The following PSME4 variants were observed in gnomAD, a reference collection of about 807,000 sequenced individuals.
PSME4 encodes proteasome activator subunit 4.
In PSME4, 89 loss-of-function variants were observed where a neutral mutation model predicts 253.9. The observed-to-expected ratio is 0.35, with a 90% CI of 0.30 to 0.42. PSME4 has a LOEUF of 0.42. PSME4 is among the 10% of genes least tolerant of loss of function. PSME4 has a pLI of 1.00. For missense variants in PSME4, 2,014 were observed against 2,195.2 expected, an observed-to-expected ratio of 0.92 and a Z score of 1.65; for synonymous variants, 851 against 759.2, an observed-to-expected ratio of 1.12 and a Z score of -1.99.
At chr2:53,914,681 G>A (rs1667976512) in intron 20 of PSME4, among the ~76,000 whole-genome samples, 4 of 152,096 alleles carry the variant, frequency 2.6e-5, no homozygotes, top group Non-Finnish European at 5.9e-5. Context: ...AGGAGTTCAA[G>A]ACCAGCCCAG....
intron 4 of PSME4, 76 bp from the exon 5 acceptor site, chr2:53,937,616 A>C: frequency 1.4e-6 from 2 of 1,388,636 alleles, no homozygotes; most frequent in Non-Finnish European, 2.0e-6. Context: ...ATAACTGACC[A>C]AAAGGCTGGG....
rs760093305 is a variant in PSME4 at position 53,897,920 on chromosome 2, T to C, written c.3556A>G (p.Ile1186Val). 3 of 1,613,426 alleles carry C rather than the reference T, an allele frequency of 1.9e-6. No individual in the cohort carries two copies. Among genetic ancestry groups the C allele is most frequent in the Admixed American group, 3.3e-5 (2 of 59,996 alleles). ...RDDRVLPLRAIRFFVENLNHD... is the reference protein window; with the variant it reads ...RDDRVLPLRAVRFFVENLNHD... ...TTGAGATTCTCAACAAAAAACCGTA[T>C]GGCACGAAGAGGCAACACTCGGTCA... Residue 1186 changes from isoleucine to valine, a missense_variant, in exon 31 of 47, where the codon ATA becomes GTA. Physicochemically the swap from Ile to Val is conservative, Grantham distance 29. Around this residue, in one of 4 missense-constraint regions of PSME4, gnomAD observed 989 missense variants for 1,021.1 expected, o/e 0.97. Transcript: ENST00000404125.
In PSME4 at chr2:53,927,999, A is replaced by T. The variant is rs943408029; in HGVS notation, c.1503+118T>A. On this transcript the variant is annotated intron_variant, in intron 11 of 46. Transcript: ENST00000404125. ...TGTTACTTTAATAATTAAATTATAC[A>T]ACATTTATTTTCATATTTATATTAG... 11 of 666,038 alleles carry T rather than the reference A, an allele frequency of 1.7e-5. No homozygotes were observed. The East Asian group carries it at 2.2e-4, about 14-fold the overall frequency. 41.3% of individuals were successfully genotyped at this position (666,038 alleles called of 1,614,324 possible).
intron 6 of PSME4, 123 bp downstream of exon 6, chr2:53,936,641 T>A (rs1669130190): frequency 1.5e-6 from 1 of 650,890 alleles, no homozygotes; most frequent in Admixed American, 3.5e-5. Flanking sequence ...CAGCCAATCC[T>A]AAGGAACTTC....
intron 20 of PSME4, among the ~76,000 whole-genome samples, chr2:53,916,883 G>T (rs954162085): frequency 1.1e-4 from 17 of 151,890 alleles, no homozygotes; most frequent in African/African-American, 3.6e-4. Flanking sequence ...AAAGGAAGAC[G>T]GAAAACTCCC....
chr2:53,944,103 T>C (rs1669589575), intron 3 of PSME4, among the ~76,000 whole-genome samples: 1 of 152,198 alleles, frequency 6.6e-6, no homozygotes, highest in Non-Finnish European at 1.5e-5. Flanking sequence ...GAAAGAACAC[T>C]GTAGCACAGA....
intron 10 of PSME4, among the ~76,000 whole-genome samples, 189 bp from the exon 11 acceptor site, chr2:53,928,492 T>C (rs1377838452): frequency 6.7e-6 from 1 of 150,156 alleles, no homozygotes; most frequent in Non-Finnish European, 1.5e-5. Context: ...TTTCCGTAGT[T>C]TCAGTTAACA....
intron 26 of PSME4, 97 bp from the exon 27 acceptor site, chr2:53,904,253 T>A: frequency 1.6e-6 from 2 of 1,229,674 alleles, no homozygotes; most frequent in Non-Finnish European, 2.2e-6. Flanking sequence ...AATTTACATG[T>A]TTTTCTCATT....
At position 53,970,822 on chromosome 2, in the gene PSME4, A is replaced by AC. The variant is rs1240153234; in HGVS notation, c.-39dup. On this transcript the variant is annotated 5_prime_UTR_variant, in exon 1 of 47. Coordinates refer to ENST00000404125, the MANE Select transcript of PSME4 (RefSeq NM_014614.3). The stretch of plus-strand genomic sequence containing the variant: ...ACCCCCCCCACCCCCTCCCACCCGA[A>AC]CCCTCCCCGGCCCCCACCCCTCTCC... The AC allele has an allele frequency of 3.0e-5, 27 of 892,660 alleles. No individual in the cohort carries two copies. Among genetic ancestry groups the AC allele is most frequent in the Admixed American group, 4.2e-5 (1 of 23,894 alleles). The allele number at this position is 892,660 out of a possible 1,614,324, so 55.3% of individuals were successfully genotyped here. A position where few individuals can be genotyped will look rare whatever the true frequency, so the allele number is the denominator to read the frequency against.
At chr2:53,871,941 G>C (rs769511887) in intron 43 of PSME4, among the ~76,000 whole-genome samples, 6 of 152,122 alleles carry the variant, frequency 3.9e-5, no homozygotes, top group African/African-American at 7.2e-5. Context: ...TTCAACCCAG[G>C]GGGCAGAGGT....
At chr2:53,940,952 C>CATATATATATATAT (rs1169212491) in intron 3 of PSME4, among the ~76,000 whole-genome samples, 2 of 24,020 alleles carry the variant, frequency 8.3e-5, no homozygotes, top group Non-Finnish European at 1.4e-4. Context: ...TATATATATA[C>CATATATATATATAT]ATATATATAT....
chr2:53,961,402 C>T (rs971572997), intron 1 of PSME4, among the ~76,000 whole-genome samples: 1 of 152,132 alleles, frequency 6.6e-6, no homozygotes, highest in African/African-American at 2.4e-5. Flanking sequence ...GGTGCAGTGG[C>T]TTATGCCTGT....
At chr2:53,872,759 A>C (rs1330448933) in intron 43 of PSME4, among the ~76,000 whole-genome samples, 1 of 141,836 alleles carries the variant, frequency 7.1e-6, no homozygotes, top group Non-Finnish European at 1.5e-5. Flanking sequence ...AAAAAAAAAA[A>C]AAAAAAAAAG....
rs1490089212 is a variant in PSME4 at position 53,892,252 on chromosome 2, T to C, written c.4191+556A>G. On this transcript the variant is annotated intron_variant, in intron 36 of 46. Coordinates refer to ENST00000404125, the MANE Select transcript of PSME4 (RefSeq NM_014614.3). Reference sequence around the variant, plus strand: ...GGTCTACCTTATGCTCAGGTGGTCCTGACATTTGACCAGGTTATTTTTAGT... The same window carrying C: ...GGTCTACCTTATGCTCAGGTGGTCCCGACATTTGACCAGGTTATTTTTAGT... Among the ~76,000 whole-genome samples, 8 of 152,358 alleles carry C rather than the reference T, an allele frequency of 5.3e-5. No individual in the cohort carries two copies. The East Asian group carries it at 7.7e-4, about 15-fold the overall frequency.
At chr2:53,950,446 T>C (rs1344028196) in intron 1 of PSME4, among the ~76,000 whole-genome samples, 3 of 152,160 alleles carry the variant, frequency 2.0e-5, no homozygotes, top group Admixed American at 6.5e-5. Context: ...TACAATTAGG[T>C]TATACCAAAA....
intron 41 of PSME4, among the ~76,000 whole-genome samples, chr2:53,884,054 C>G (rs1243617680): frequency 6.6e-6 from 1 of 152,206 alleles, no homozygotes; most frequent in Non-Finnish European, 1.5e-5. Context: ...TCCTCACACT[C>G]TACACATCTG....
intron 17 of PSME4, 35 bp from the exon 18 acceptor site, chr2:53,921,139 G>C: frequency 6.2e-7 from 1 of 1,610,184 alleles, no homozygotes; most frequent in Non-Finnish European, 8.5e-7. Context: ...AAGATATTTT[G>C]GTTAAAAGAA....
intron 29 of PSME4, among the ~76,000 whole-genome samples, chr2:53,899,027 T>C (rs956823782): frequency 1.3e-5 from 2 of 150,870 alleles, no homozygotes; most frequent in Middle Eastern, 3.4e-3. Flanking sequence ...AAAAGAAAGA[T>C]AATTCACTAG....
intron 1 of PSME4, among the ~76,000 whole-genome samples, chr2:53,959,684 A>G (rs1670394978): frequency 6.6e-6 from 1 of 152,236 alleles, no homozygotes; most frequent in Admixed American, 6.5e-5. Flanking sequence ...CTTCATCATT[A>G]CATATAATAT....
Sources: gnomAD v4.1 joint callset for allele counts (sites outside exome capture counted in the v4.1 genomes callset) on GRCh38, gnomAD v4.1.1 for gene constraint, gnomAD v4.1.1 regional missense constraint, MANE v1.5 for transcripts, NCBI Gene and HGNC (gene_info 2026-07-23, HGNC 2026-07-21) for gene names.